PHETA2: variants seen among roughly 807,000 people sequenced by gnomAD.
The protein encoded by PHETA2 is PH domain containing endocytic trafficking adaptor 2.
For missense variants in PHETA2, 321 were observed against 341.3 expected (o/e 0.94, Z 0.47); for synonymous variants, 133 against 142.9 (o/e 0.93, Z 0.50).
At position 42,078,165 on chromosome 22, in the gene PHETA2, A is replaced by G. The variant is rs931442475; in HGVS notation, c.*92A>G. The G allele has an allele frequency of 5.8e-6, 8 of 1,371,388 alleles. No homozygotes were observed. The highest frequency in any genetic ancestry group is 7.8e-6 in the Non-Finnish European group (8 of 1,028,298). The allele number at this position is 1,371,388 out of a possible 1,614,324, so 85.0% of individuals were successfully genotyped here. ...CCAAGGTTGCGTTTTGGGAGGGGAC[A>G]TGGGTTCTCTCCTTCCTGCTATTTA... On this transcript the variant is annotated 3_prime_UTR_variant, in exon 3 of 3. Coordinates refer to ENST00000321753, the MANE Select transcript of PHETA2 (RefSeq NM_001002034.3).
rs148151293 is a variant in PHETA2 at position 42,077,613 on chromosome 22, C to T, written c.320C>T (p.Ala107Val). ...CACCTGCTGGCCGCAGAAGGGCCGG[C>T]GGCCCAGGAGGCCTGGGTGAAGGTG... is the stretch of plus-strand genomic sequence containing the variant. ...RPHLLAAEGP[A>V]AQEAWVKVLS... is the part of the protein sequence containing the mutation. The change falls in exon 3 of 3, where the codon GCG (alanine) becomes GTG (valine). Residue 107 changes from alanine to valine, a missense_variant. Ala to Val is a moderately conservative substitution (Grantham distance 64). Transcript: ENST00000321753. 2.5e-5 allele frequency: 41 copies of T among 1,613,912 alleles called. No homozygotes were observed. The highest frequency in any genetic ancestry group is 3.1e-5 in the Non-Finnish European group (36 of 1,179,982).
In PHETA2 at chr22:42,077,680, C is replaced by T. The variant is rs200698481; in HGVS notation, c.387C>T (p.Arg129=). ...ASFGYMRLVV[R]ELESQLQDAR... Reference sequence around the variant, plus strand: ...TTGGCTACATGCGCCTGGTGGTACGCGAGTTGGAGAGCCAGTTGCAGGACG... The same window carrying T: ...TTGGCTACATGCGCCTGGTGGTACGTGAGTTGGAGAGCCAGTTGCAGGACG... The change falls in exon 3 of 3, where the codon CGC becomes CGT. Residue 129 remains arginine, a synonymous_variant. Coordinates refer to ENST00000321753, the MANE Select transcript of PHETA2 (RefSeq NM_001002034.3). 24 of 1,614,152 alleles carry T rather than the reference C, an allele frequency of 1.5e-5. No individual in the cohort carries two copies. The East Asian group carries it at 1.8e-4, about 12-fold the overall frequency.
In PHETA2 at chr22:42,078,238, G is replaced by A. The variant is rs1048864325; in HGVS notation, c.*165G>A. On this transcript the variant is annotated 3_prime_UTR_variant, in exon 3 of 3. Transcript: ENST00000321753. The stretch of plus-strand genomic sequence containing the variant: ...CACCCGTGTGTCTGGAAGGGACTGC[G>A]GGACCATTCCTTCCATCCTCTTTAT... The A allele has an allele frequency of 4.1e-6, 3 of 733,420 alleles. No homozygotes were observed. The allele number at this position is 733,420 out of a possible 1,614,324, so 45.4% of individuals were successfully genotyped here.
Position 42,077,583 on chromosome 22 carries a change from G to A in PHETA2, c.290G>A (p.Arg97His), listed in dbSNP as rs1602505023. ...FAICFDAPGVRPHLLAAEGPA... is the reference protein window; with the variant it reads ...FAICFDAPGVHPHLLAAEGPA... ...ATCTGCTTTGATGCCCCTGGAGTGCGCCCACACCTGCTGGCCGCAGAAGGG... is the reference window on the plus strand; with the variant it reads ...ATCTGCTTTGATGCCCCTGGAGTGCACCCACACCTGCTGGCCGCAGAAGGG... Residue 97 changes from arginine (R) to histidine (H), a missense_variant, in exon 3 of 3, where the codon CGC becomes CAC. Coordinates refer to ENST00000321753, the MANE Select transcript of PHETA2 (RefSeq NM_001002034.3). The A allele has an allele frequency of 6.8e-6, 11 of 1,614,096 alleles. No homozygotes were observed. The highest frequency in any genetic ancestry group is 1.6e-4 in the Middle Eastern group (1 of 6,062).
Position 42,077,656 on chromosome 22 carries a change from TGG to T in PHETA2, c.364_365del (p.Gly122LeufsTer36). 6.2e-7 allele frequency: 1 copy of T among 1,614,182 alleles called. No homozygotes were observed. Among genetic ancestry groups the T allele is most frequent in the South Asian group, 1.1e-5 (1 of 91,088 alleles). ...WVKVLSRASF[G>X]YMRLVVRELE... is the part of the protein sequence containing the mutation. The stretch of plus-strand genomic sequence containing the variant: ...TGAAGGTGCTGTCCCGGGCAAGCTT[TGG>T]CTACATGCGCCTGGTGGTACGCGAG... On this transcript the variant is annotated frameshift_variant, in exon 3 of 3. Transcript: ENST00000321753. LOFTEE classifies it low-confidence loss of function (END_TRUNC).
Position 42,078,754 on chromosome 22 carries a change from G to A in PHETA2, c.*681G>A, listed in dbSNP as rs1191350040. The A allele has an allele frequency of 1.2e-5, 2 of 167,336 alleles. No individual in the cohort carries two copies. Among genetic ancestry groups the A allele is most frequent in the African/African-American group, 4.8e-5 (2 of 41,456 alleles). The allele number at this position is 167,336 out of a possible 1,614,324, so 10.4% of individuals were successfully genotyped here. Reference sequence around the variant, plus strand: ...GGTGCTGGACCTTGCCCCGGAAGGGGCTTGTAGCTTTTTTACGTCAACGAA... The same window carrying A: ...GGTGCTGGACCTTGCCCCGGAAGGGACTTGTAGCTTTTTTACGTCAACGAA... On this transcript the variant is annotated 3_prime_UTR_variant, in exon 3 of 3. Coordinates refer to ENST00000321753, the MANE Select transcript of PHETA2 (RefSeq NM_001002034.3).
rs764049141 is a variant in PHETA2, at chr22:42,077,760, G to A, written c.467G>A (p.Arg156His). 5.6e-6 allele frequency: 9 copies of A among 1,612,934 alleles called. No homozygotes were observed. The highest frequency in any genetic ancestry group is 2.2e-5 in the East Asian group (1 of 44,898). Residue 156 changes from arginine to histidine, a missense_variant, in exon 3 of 3, where the codon CGC becomes CAC. Coordinates refer to ENST00000321753, the MANE Select transcript of PHETA2 (RefSeq NM_001002034.3). Reference protein sequence around the residue: ...RRSSWKSVASRCKPQAPNHRA... With the variant: ...RRSSWKSVASHCKPQAPNHRA... The stretch of plus-strand genomic sequence containing the variant: ...TCATCCTGGAAGTCTGTTGCCAGCC[G>A]CTGTAAGCCCCAGGCTCCTAACCAC...
In PHETA2 at chr22:42,077,325, A is replaced by T. The variant is rs576764942; in HGVS notation, c.32A>T (p.Tyr11Phe). 11 of 1,551,746 alleles carry T rather than the reference A, an allele frequency of 7.1e-6. No individual in the cohort carries two copies. Among genetic ancestry groups the T allele is most frequent in the Non-Finnish European group, 9.6e-6 (11 of 1,149,558 alleles). ...CTGAACGAGAGGAGTGTAGCCCACT[A>T]TGCACTCAGCGACTCCCCAGCGGAC... is the stretch of plus-strand genomic sequence containing the variant. MKLNERSVAH[Y>F]ALSDSPADHM... The change falls in exon 3 of 3, where the codon TAT becomes TTT. Residue 11 changes from tyrosine (Y) to phenylalanine (F), a missense_variant. Physicochemically the swap from Tyr to Phe is conservative, Grantham distance 22 (BLOSUM62 3). Transcript: ENST00000321753.
chr22:42,074,790 G>GC (rs149388739), intron 1 of PHETA2, among the ~76,000 whole-genome samples: 1 of 152,110 alleles, frequency 6.6e-6, no homozygotes, highest in Admixed American at 6.5e-5. Context: ...CCCTTCCTGG[G>GC]CCCCCCCTAC....
Position 42,077,762 on chromosome 22 carries a change from TGTAAGCCCCAGGCTCC to T in PHETA2, c.470_485del (p.Cys157LeufsTer49). 6.2e-7 allele frequency: 1 copy of T among 1,613,306 alleles called. No homozygotes were observed. Among genetic ancestry groups the T allele is most frequent in the East Asian group, 2.2e-5 (1 of 44,886 alleles). On this transcript the variant is annotated frameshift_variant, in exon 3 of 3. Coordinates refer to ENST00000321753, the MANE Select transcript of PHETA2 (RefSeq NM_001002034.3). LOFTEE classifies it low-confidence loss of function (END_TRUNC). ...ATCCTGGAAGTCTGTTGCCAGCCGC[TGTAAGCCCCAGGCTCC>T]TAACCACCGAGCTGCGGGCCTGGAG...
chr22:42,077,033 C>T (rs918468090), intron 2 of PHETA2, among the ~76,000 whole-genome samples: 2 of 152,088 alleles, frequency 1.3e-5, no homozygotes, highest in East Asian at 1.9e-4. Context: ...GATGCAATCT[C>T]GTTATTCTTT....
chr22:42,078,392 C>T lies in PHETA2; in HGVS notation c.*319C>T, dbSNP rs899529122. 1.4e-5 allele frequency: 5 copies of T among 346,528 alleles called. No individual in the cohort carries two copies. The highest frequency in any genetic ancestry group is 2.7e-5 in the Non-Finnish European group (5 of 182,506). 21.5% of individuals were successfully genotyped at this position (346,528 alleles called of 1,614,324 possible). A position where few individuals can be genotyped will look rare whatever the true frequency, so the allele number is the denominator to read the frequency against. ...AATGAAGGAAGTGGGGAATGTCACCCGAGACTGTCACAGGCTTGCCATACC... is the reference window on the plus strand; with the variant it reads ...AATGAAGGAAGTGGGGAATGTCACCTGAGACTGTCACAGGCTTGCCATACC... On this transcript the variant is annotated 3_prime_UTR_variant, in exon 3 of 3. Coordinates refer to ENST00000321753, the MANE Select transcript of PHETA2 (RefSeq NM_001002034.3).
chr22:42,078,107 G>C lies in PHETA2; in HGVS notation c.*34G>C, dbSNP rs149741369. The C allele has an allele frequency of 6.2e-5, 93 of 1,490,518 alleles. 1 individual carries two copies. In the African/African-American group the frequency reaches 1.3e-3, roughly 20 times the overall value. 92.3% of individuals were successfully genotyped at this position (1,490,518 alleles called of 1,614,324 possible). A position where few individuals can be genotyped will look rare whatever the true frequency, so the allele number is the denominator to read the frequency against. ...CCTTTGAGTCAGGAAACCAGGGCCA[G>C]TTCTTTTTCAGGAGTTAAATGTTTA... is the stretch of plus-strand genomic sequence containing the variant. On this transcript the variant is annotated 3_prime_UTR_variant, in exon 3 of 3. Coordinates refer to ENST00000321753, the MANE Select transcript of PHETA2 (RefSeq NM_001002034.3).
At chr22:42,074,533 G>C (rs1221705732) in intron 1 of PHETA2, 192 bp downstream of exon 1, 2 of 152,166 alleles carry the variant, frequency 1.3e-5, no homozygotes, top group Non-Finnish European at 2.9e-5. Flanking sequence ...CTGGCCCGGC[G>C]GTCCCGCACC....
chr22:42,076,776 G>A (rs765556844), intron 2 of PHETA2, among the ~76,000 whole-genome samples: 28 of 152,138 alleles, frequency 1.8e-4, no homozygotes, highest in Non-Finnish European at 2.4e-4. Flanking sequence ...TTATATTTGT[G>A]CCTCAGCTTC....
chr22:42,078,335 C>G lies in PHETA2; in HGVS notation c.*262C>G. 1 of 453,336 alleles carries G rather than the reference C, an allele frequency of 2.2e-6. No individual in the cohort carries two copies. The highest frequency in any genetic ancestry group is 4.0e-6 in the Non-Finnish European group (1 of 249,544). 28.1% of individuals were successfully genotyped at this position (453,336 alleles called of 1,614,324 possible). A position where few individuals can be genotyped will look rare whatever the true frequency, so the allele number is the denominator to read the frequency against. On this transcript the variant is annotated 3_prime_UTR_variant, in exon 3 of 3. Coordinates refer to ENST00000321753, the MANE Select transcript of PHETA2 (RefSeq NM_001002034.3). The stretch of plus-strand genomic sequence containing the variant: ...GACCCCAATCTCCTGACTGCACTGG[C>G]CTGACTGCCCCCTCCCAGGGGATGT...
chr22:42,079,042 A>AG lies in PHETA2; in HGVS notation c.*971dup, dbSNP rs1183080905. 1 of 167,188 alleles carries AG rather than the reference A, an allele frequency of 6.0e-6. No homozygotes were observed. Among genetic ancestry groups the AG allele is most frequent in the East Asian group, 1.9e-4 (1 of 5,202 alleles). 10.4% of individuals were successfully genotyped at this position (167,188 alleles called of 1,614,324 possible). ...GTTTGTCACCCAGGGTGTACTTGCC[A>AG]GGACCTCTCCTTGCTACTCTTCCCA... On this transcript the variant is annotated 3_prime_UTR_variant, in exon 3 of 3. Transcript: ENST00000321753.
chr22:42,076,941 C>G (rs756405146), intron 2 of PHETA2, among the ~76,000 whole-genome samples: 21 of 152,088 alleles, frequency 1.4e-4, no homozygotes, highest in Non-Finnish European at 2.2e-4. Context: ...TTCGATGGGT[C>G]TGGGGTCCAT....
chr22:42,076,459 G>C (rs759371775), intron 2 of PHETA2, among the ~76,000 whole-genome samples: 1 of 152,050 alleles, frequency 6.6e-6, no homozygotes, highest in Non-Finnish European at 1.5e-5. Context: ...ACCGTGCCTG[G>C]CTAATTTTTG....
Sources: allele counts gnomAD v4.1 joint callset (sites outside exome capture counted in the v4.1 genomes callset), GRCh38; gene constraint gnomAD v4.1.1; transcripts MANE v1.5; gene names NCBI Gene and HGNC (gene_info 2026-07-23, HGNC 2026-07-21).